MTRR: variants seen among roughly 807,000 people sequenced by gnomAD.
MTRR encodes the protein methionine synthase reductase.
A neutral mutation model predicts 79.2 loss-of-function variants in MTRR; 63 were observed. The ratio of observed to expected loss-of-function variants is 0.80; its 90% CI spans 0.65 to 0.98. The LOEUF (loss-of-function observed/expected upper bound fraction) is 0.98. Ranked by LOEUF, MTRR falls within the 50% of genes least tolerant of loss-of-function variation. The probability of loss-of-function intolerance (pLI) is 0.00; values close to 1 mark genes in which losing one functional copy is unlikely to be tolerated. For synonymous variants in MTRR, 355 were observed against 313.3 expected (o/e 1.13, Z -1.41); for missense variants, 895 against 839.6 (o/e 1.07, Z -0.82).
At chr5:7,859,299 G>GA in intron 1 of MTRR, 1 of 486,032 alleles carries the variant, frequency 2.1e-6, no homozygotes, top group Non-Finnish European at 3.6e-6. Context: ...ATAGTATAAG[G>GA]AAAACTACAG....
Position 7,878,180 on chromosome 5 carries a change from A to AT in MTRR, c.638_639insT (p.Ser214GlnfsTer9). 1 of 1,614,188 alleles carries AT rather than the reference A, an allele frequency of 6.2e-7. No homozygotes were observed. The highest frequency in any genetic ancestry group is 8.5e-7 in the Non-Finnish European group (1 of 1,180,044). On this transcript the variant is annotated frameshift_variant, in exon 5 of 15. Coordinates refer to ENST00000440940, the MANE Select transcript of MTRR (RefSeq NM_002454.3). LOFTEE classifies it high-confidence loss of function. ...GAGGTTTTGAAGCAAAATGCAGTGAACAGCAACCAATCCAATGTTGTAATT... is the reference window on the plus strand; with the variant it reads ...GAGGTTTTGAAGCAAAATGCAGTGAATCAGCAACCAATCCAATGTTGTAATT...
At chr5:7,868,200 G>GAAA (rs34274545), upstream of MTRR, 44 of 224,984 alleles carry the variant, frequency 2.0e-4, no homozygotes, top group Middle Eastern at 1.3e-3. Context: ...CGAGTATCTG[G>GAAA]AAAAAAAAAA....
chr5:7,881,289 C>T (rs925550949), intron 5 of MTRR, among the ~76,000 whole-genome samples: 46 of 151,982 alleles, frequency 3.0e-4, no homozygotes, highest in Non-Finnish European at 7.4e-5. Flanking sequence ...AGTCCCTTAC[C>T]TTCCTTAGCT....
At chr5:7,871,059 G>GTA (rs777435059) in intron 2 of MTRR, 136 bp downstream of exon 2, 5 of 1,047,934 alleles carry the variant, frequency 4.8e-6, no homozygotes, top group Non-Finnish European at 5.9e-6. Context: ...TTGTTCAATG[G>GTA]TATAGTAAGA....
chr5:7,858,342 G>A (rs1746314054), intron 1 of MTRR, among the ~76,000 whole-genome samples: 1 of 152,152 alleles, frequency 6.6e-6, no homozygotes, highest in Non-Finnish European at 1.5e-5. Context: ...TAATTACCCA[G>A]ATTTCAGAGA....
Position 7,861,520 on chromosome 5 carries a change from G to C in MTRR, n.392-431G>C. The C allele has an allele frequency of 4.2e-6, 5 of 1,186,078 alleles. No individual in the cohort carries two copies. The South Asian group carries it at 1.2e-4, about 28-fold the overall frequency. 73.5% of individuals were successfully genotyped at this position (1,186,078 alleles called of 1,614,324 possible). A position where few individuals can be genotyped will look rare whatever the true frequency, so the allele number is the denominator to read the frequency against. ...ATTTTTTTCACCTTCTTGAGAAAAA[G>C]ATACCGCTGCTTATTAGCCTCAACG... On this transcript the variant is annotated intron_variant and non_coding_transcript_variant, in intron 1 of 3. Coordinates refer to the MTRR transcript ENST00000502509.
intron 9 of MTRR, among the ~76,000 whole-genome samples, chr5:7,889,685 G>A (rs990228559): frequency 6.6e-6 from 1 of 152,098 alleles, no homozygotes; most frequent in Non-Finnish European, 1.5e-5. Flanking sequence ...CTTTTTCAAA[G>A]CTAACGAACA....
intron 1 of MTRR, among the ~76,000 whole-genome samples, chr5:7,853,610 A>G (rs186933704): frequency 6.6e-6 from 1 of 152,226 alleles, no homozygotes; most frequent in Non-Finnish European, 1.5e-5. Flanking sequence ...TGCACTACCC[A>G]GGTCACTGCT....
At chr5:7,899,823 G>C (rs546827596) in intron 14 of MTRR, 91 bp from the exon 15 acceptor site, 20 of 1,469,484 alleles carry the variant, frequency 1.4e-5, no homozygotes, top group African/African-American at 5.6e-5. Context: ...AACTATGGTG[G>C]TACAGTCAAA....
chr5:7,888,148 T>TTA (rs950394067), intron 8 of MTRR, among the ~76,000 whole-genome samples: 1 of 152,118 alleles, frequency 6.6e-6, no homozygotes, highest in African/African-American at 2.4e-5. Flanking sequence ...TGTACTGTAT[T>TTA]AATTTTTGAA....
rs769915505 is a variant in MTRR, at chr5:7,889,194, T to C, written c.1246T>C (p.Phe416Leu). ...ACAAGGGGCAGCCGATTATAGCCGC[T>C]TTGTACGAGATGCCTGTGCCTGCTT... Reference protein sequence around the residue: ...SKQGAADYSRFVRDACACLLD... With the variant: ...SKQGAADYSRLVRDACACLLD... Residue 416 changes from phenylalanine (F) to leucine (L), a missense_variant, in exon 9 of 15, where the codon TTT becomes CTT. By Grantham distance (22) the Phe-to-Leu change is conservative (BLOSUM62 0). Transcript: ENST00000440940. 1.1e-5 allele frequency: 17 copies of C among 1,613,868 alleles called. No individual in the cohort carries two copies. Among genetic ancestry groups the C allele is most frequent in the Admixed American group, 6.7e-5 (4 of 60,000 alleles).
At chr5:7,868,133 T>G (rs374356086), upstream of MTRR, 7 of 1,259,098 alleles carry the variant, frequency 5.6e-6, no homozygotes, top group South Asian at 1.0e-4. Context: ...TAAAAACACA[T>G]GGTTAAATAC....
chr5:7,869,539 C>T (rs930924048), intron 1 of MTRR: 16 of 330,820 alleles, frequency 4.8e-5, no homozygotes, highest in Non-Finnish European at 9.2e-5. Context: ...CTCGGGGACG[C>T]GGGGAACTGG....
chr5:7,886,485 A>G, intron 7 of MTRR, 130 bp from the exon 8 acceptor site: 1 of 752,352 alleles, frequency 1.3e-6, no homozygotes, highest in Non-Finnish European at 2.3e-6. Flanking sequence ...CTGAATAAAC[A>G]TTGCCACAAG....
chr5:7,899,834 A>G (rs778913298), intron 14 of MTRR, 80 bp from the exon 15 acceptor site: 6 of 1,529,212 alleles, frequency 3.9e-6, no homozygotes, highest in Non-Finnish European at 4.5e-6. Context: ...TACAGTCAAA[A>G]GGAATTAGAC....
intron 2 of MTRR, among the ~76,000 whole-genome samples, chr5:7,863,964 C>G (rs1746746072): frequency 6.6e-6 from 1 of 152,160 alleles, no homozygotes; most frequent in Admixed American, 6.5e-5. Context: ...ATTCTCCTAA[C>G]TCAGAGTCCA....
Position 7,882,155 on chromosome 5 carries a change from T to C in MTRR, c.781-1000T>C, listed in dbSNP as rs561009174. 1.3e-5 allele frequency among the ~76,000 whole-genome samples: 2 copies of C among 152,224 alleles called. 1 individual carries two copies. The highest frequency in any genetic ancestry group is 4.1e-4 in the South Asian group (2 of 4,832). On this transcript the variant is annotated intron_variant, in intron 5 of 14. Coordinates refer to ENST00000440940, the MANE Select transcript of MTRR (RefSeq NM_002454.3). ...TGGGCACAGTGAGAAGCTGAGCTGC[T>C]GTGCAGTCTCAGCAAAGGCCTCAGC...
At chr5:7,876,898 CCTT>C (rs1284288138) in intron 4 of MTRR, among the ~76,000 whole-genome samples, 2 of 152,202 alleles carry the variant, frequency 1.3e-5, no homozygotes, top group Non-Finnish European at 2.9e-5. Context: ...CACACTATCA[CCTT>C]AATATTTCTG....
intron 5 of MTRR, among the ~76,000 whole-genome samples, chr5:7,882,381 A>T (rs1735727223): frequency 6.6e-6 from 1 of 152,224 alleles, no homozygotes; most frequent in Non-Finnish European, 1.5e-5. Context: ...CAGCACTGCC[A>T]TAGCCTTTGC....
Sources: allele counts gnomAD v4.1 joint callset (sites outside exome capture counted in the v4.1 genomes callset), GRCh38; gene constraint gnomAD v4.1.1; transcripts MANE v1.5; gene names NCBI Gene and HGNC (gene_info 2026-07-23, HGNC 2026-07-21).